Variants in FAT1 observed in about 807,000 individuals in gnomAD.
The protein encoded by FAT1 is FAT atypical cadherin 1.
Under a neutral mutation model 329.8 loss-of-function variants are expected in FAT1, and 171 were observed. That is an observed-to-expected ratio of 0.52 (90% confidence interval 0.46 to 0.59). The LOEUF is 0.59. Among genes scored for constraint, FAT1 ranks in the 20% least tolerant of loss-of-function variants. The probability of loss-of-function intolerance (pLI) is 0.00; values close to 1 mark genes in which losing one functional copy is unlikely to be tolerated. For missense variants in FAT1, 5,672 were observed against 5,774.4 expected (o/e 0.98, Z 0.57); for synonymous variants, 2,233 against 2,228.6 (o/e 1.00, Z -0.06).
chr4:186,589,548 T>A (rs1428548066), intron 26 of FAT1, among the ~76,000 whole-genome samples: 1 of 152,166 alleles, frequency 6.6e-6, no homozygotes, highest in East Asian at 1.9e-4. Context: ...ATTCTAACCA[T>A]CCTTCTGGCT....
rs781295226 is a variant in FAT1, at chr4:186,597,061, C to T, written c.12479G>A (p.Arg4160His). ...GTTGGGCGCAGCATCCTCGCAGTGA[C>T]GTCCCCTGTACTCGTGGCTGCAGTT... ...HCNCSHEYRG[R>H]HCEDAAPNQY... The change falls in exon 25 of 27, where the codon CGT becomes CAT. Residue 4160 changes from arginine to histidine, a missense_variant. Physicochemically the swap from Arg to His is conservative, Grantham distance 29 (BLOSUM62 0). Transcript: ENST00000441802. The T allele has an allele frequency of 1.7e-5, 28 of 1,613,890 alleles. No individual in the cohort carries two copies. Among genetic ancestry groups the T allele is most frequent in the Admixed American group, 5.0e-5 (3 of 60,000 alleles).
At chr4:186,654,881 C>T (rs1201257042) in intron 3 of FAT1, among the ~76,000 whole-genome samples, 1 of 151,448 alleles carries the variant, frequency 6.6e-6, no homozygotes, top group Admixed American at 6.6e-5. Context: ...TGCACTCCAG[C>T]CTGGACGACA....
chr4:186,628,083 G>C, intron 9 of FAT1, 71 bp downstream of exon 9: 2 of 1,512,040 alleles, frequency 1.3e-6, no homozygotes, highest in Non-Finnish European at 1.8e-6. Context: ...ACCCAGAACT[G>C]ATTTTGGAAA....
At chr4:186,678,697 G>A (rs1387409228) in intron 2 of FAT1, among the ~76,000 whole-genome samples, 1 of 151,278 alleles carries the variant, frequency 6.6e-6, no homozygotes, top group Non-Finnish European at 1.5e-5. Flanking sequence ...GAAATTACAG[G>A]GGAATGGCAA....
Position 186,603,746 on chromosome 4 carries a change from T to C in FAT1, c.10780A>G (p.Ser3594Gly). 1 of 1,614,012 alleles carries C rather than the reference T, an allele frequency of 6.2e-7. No homozygotes were observed. Residue 3594 changes from serine to glycine, a missense_variant, in exon 19 of 27, where the codon AGC (serine) becomes GGC (glycine). By Grantham distance (56) the Ser-to-Gly change is moderately conservative. Around this residue, in one of 2 missense-constraint regions of FAT1, gnomAD observed 1,706 missense variants for 1,859.1 expected, o/e 0.92. Transcript: ENST00000441802. ...TGTGCTATCAGCTTGCCCCCTGTGC[T>C]GGAAACAGAGAACAGGTTGTCCATC... The part of the protein sequence containing the change: ...PQMDNLFSVS[S>G]TGGKLIAHKK...
chr4:186,616,876 A>C, intron 11 of FAT1, 129 bp downstream of exon 11: 1 of 757,166 alleles, frequency 1.3e-6, no homozygotes. Context: ...CCCATTTAAC[A>C]CCTCTGCTTA....
Position 186,707,634 on chromosome 4 carries a change from C to T in FAT1, c.2194G>A (p.Val732Met), listed in dbSNP as rs1744699808. ...TTCATGAAAATTACACTGGAACCCA[C>T]AGGCTGGTTTTCCTTTACCTGAATA... Reference protein sequence around the residue: ...TGIQVKENQPVGSSVIFMNST... With the variant: ...TGIQVKENQPMGSSVIFMNST... Residue 732 changes from valine (V) to methionine (M), a missense_variant, in exon 2 of 27, where the codon GTG becomes ATG. Around this residue, in one of 2 missense-constraint regions of FAT1, gnomAD observed 3,966 missense variants for 3,915.2 expected, o/e 1.01. Transcript: ENST00000441802. 3 of 1,613,998 alleles carry T rather than the reference C, an allele frequency of 1.9e-6. No homozygotes were observed. Among genetic ancestry groups the T allele is most frequent in the Non-Finnish European group, 2.5e-6 (3 of 1,179,896 alleles).
chr4:186,617,245 G>A lies in FAT1; in HGVS notation c.8879-44C>T, dbSNP rs746595768. The A allele has an allele frequency of 2.4e-5, 33 of 1,358,862 alleles. 1 individual carries two copies. In the African/African-American group the frequency reaches 4.4e-4, roughly 18 times the overall value. 84.2% of individuals were successfully genotyped at this position (1,358,862 alleles called of 1,614,324 possible). A position where few individuals can be genotyped will look rare whatever the true frequency, so the allele number is the denominator to read the frequency against. On this transcript the variant is annotated intron_variant, in intron 10 of 26. Coordinates refer to ENST00000441802, the MANE Select transcript of FAT1 (RefSeq NM_005245.4). ...AAGATAATAATCAAATTTGTTGAAA[G>A]GATAAAAATAAGTAACAGAAAAAAT...
At chr4:186,616,958 A>T (rs1282568913) in intron 11 of FAT1, 47 bp downstream of exon 11, 2 of 1,531,808 alleles carry the variant, frequency 1.3e-6, no homozygotes, top group African/African-American at 2.8e-5. Flanking sequence ...GAAAGAATTA[A>T]GAAATTGAAA....
At chr4:186,605,941 C>G in intron 17 of FAT1, 129 bp downstream of exon 17, 1 of 819,688 alleles carries the variant, frequency 1.2e-6, no homozygotes, top group Non-Finnish European at 2.0e-6. Context: ...ATACTGATAG[C>G]GACTTCTTGA....
intron 12 of FAT1, among the ~76,000 whole-genome samples, chr4:186,613,921 GT>G (rs34305174): frequency 2.0e-5 from 3 of 150,322 alleles, no homozygotes; most frequent in Non-Finnish European, 4.4e-5. Context: ...TCTGAGGGTT[GT>G]TTTTTTTAAA....
chr4:186,699,900 G>T (rs1301837051), intron 2 of FAT1, among the ~76,000 whole-genome samples: 1 of 152,128 alleles, frequency 6.6e-6, no homozygotes, highest in African/African-American at 2.4e-5. Context: ...AGTTGTACAC[G>T]GTAGGTAATA....
chr4:186,677,259 A>C (rs1276010694), intron 2 of FAT1, among the ~76,000 whole-genome samples: 1 of 152,234 alleles, frequency 6.6e-6, no homozygotes, highest in Non-Finnish European at 1.5e-5. Context: ...CAGAAGCTTA[A>C]GTTAGGTCAA....
At chr4:186,722,823 T>C (rs957084046) in intron 1 of FAT1, among the ~76,000 whole-genome samples, 18 of 152,124 alleles carry the variant, frequency 1.2e-4, no homozygotes, top group Non-Finnish European at 4.4e-5. Context: ...ATATCCACTT[T>C]TAAAAAATCG....
intron 9 of FAT1, among the ~76,000 whole-genome samples, chr4:186,627,896 AC>A (rs1278611378): frequency 6.6e-6 from 1 of 152,180 alleles, no homozygotes; most frequent in East Asian, 1.9e-4. Context: ...AGTTTCCTCT[AC>A]TACGTGGCTT....
chr4:186,598,086 T>C lies in FAT1; in HGVS notation c.12143A>G (p.His4048Arg), dbSNP rs1738621312. 2 of 1,613,682 alleles carry C rather than the reference T, an allele frequency of 1.2e-6. No homozygotes were observed. Among genetic ancestry groups the C allele is most frequent in the South Asian group, 1.1e-5 (1 of 91,040 alleles). Residue 4048 changes from histidine (H) to arginine (R), a missense_variant, in exon 23 of 27, where the codon CAC becomes CGC. His to Arg is a conservative substitution (Grantham distance 29, BLOSUM62 0). This residue lies in a region of FAT1 where 1,706 missense variants were observed against 1,859.1 expected (regional missense o/e 0.92). Coordinates refer to ENST00000441802, the MANE Select transcript of FAT1 (RefSeq NM_005245.4). ...ACACGGATTGACGCTTATCTCACAG[T>C]GGGTCCCTATGTACAAGGCACTGCA... ...CKCSALYIGTHCEISVNPCSS... is the reference protein window; with the variant it reads ...CKCSALYIGTRCEISVNPCSS...
intron 4 of FAT1, among the ~76,000 whole-genome samples, chr4:186,638,131 C>T (rs1056696508): frequency 9.2e-5 from 14 of 152,208 alleles, no homozygotes; most frequent in African/African-American, 3.4e-4. Flanking sequence ...ACAGCCAAAT[C>T]AATGCCAGCA....
At chr4:186,591,319 A>G (rs928538189) in intron 26 of FAT1, among the ~76,000 whole-genome samples, 1 of 152,242 alleles carries the variant, frequency 6.6e-6, no homozygotes, top group East Asian at 1.9e-4. Flanking sequence ...ATAATTTGGG[A>G]CAAATATTTG....
At position 186,709,737 on chromosome 4, in the gene FAT1, G is replaced by C. The variant is rs1217025404; in HGVS notation, c.91C>G (p.Pro31Ala). ...SDGSQRLEQT[P>A]LQFTHLEYNV... Reference sequence around the variant, plus strand: ...TACTCGAGGTGTGTAAACTGCAGAGGAGTCTGTTCAAGTCGTTGGCTGCCA... The same window carrying C: ...TACTCGAGGTGTGTAAACTGCAGAGCAGTCTGTTCAAGTCGTTGGCTGCCA... Residue 31 changes from proline (P) to alanine (A), a missense_variant, in exon 2 of 27, where the codon CCT (proline) becomes GCT (alanine). Physicochemically the swap from Pro to Ala is conservative, Grantham distance 27. Coordinates refer to ENST00000441802, the MANE Select transcript of FAT1 (RefSeq NM_005245.4). 6.2e-7 allele frequency: 1 copy of C among 1,613,824 alleles called. No homozygotes were observed. Among genetic ancestry groups the C allele is most frequent in the Non-Finnish European group, 8.5e-7 (1 of 1,179,818 alleles).
Sources: allele counts gnomAD v4.1 joint callset (sites outside exome capture counted in the v4.1 genomes callset), GRCh38; gene constraint gnomAD v4.1.1; regional missense constraint gnomAD v4.1.1; transcripts MANE v1.5; gene names NCBI Gene and HGNC (gene_info 2026-07-23, HGNC 2026-07-21).